Variants in CNTNAP2 observed in about 807,000 individuals in gnomAD.
CNTNAP2 encodes contactin associated protein 2.
CNTNAP2 carries 98 observed loss-of-function variants against 155.2 expected under a neutral mutation model. That is an observed-to-expected ratio of 0.63 (90% CI 0.54 to 0.75). The LOEUF (loss-of-function observed/expected upper bound fraction) is 0.75. Among genes scored for constraint, CNTNAP2 ranks in the 30% least tolerant of loss-of-function variants. CNTNAP2 has a pLI of 0.00. For missense variants in CNTNAP2, 1,727 were observed against 1,688.1 expected, an observed-to-expected ratio of 1.02 and a Z score of -0.40; for synonymous variants, 651 against 631.2, an observed-to-expected ratio of 1.03 and a Z score of -0.47.
intron 8 of CNTNAP2, among the ~76,000 whole-genome samples, chr7:147,156,681 G>A (rs891347887): frequency 2.0e-5 from 3 of 152,138 alleles, no homozygotes; most frequent in Non-Finnish European, 4.4e-5. Context: ...ATATGTCAAG[G>A]ACTGTCAAGG....
chr7:148,189,847 C>A (rs934019254), intron 18 of CNTNAP2: 3 of 152,196 alleles, frequency 2.0e-5, no homozygotes, highest in African/African-American at 7.2e-5. Flanking sequence ...CTAAAAATTT[C>A]TATATGAAGA....
chr7:146,305,885 A>G (rs536275144), intron 1 of CNTNAP2, among the ~76,000 whole-genome samples: 2 of 152,314 alleles, frequency 1.3e-5, no homozygotes, highest in East Asian at 3.9e-4. Context: ...AAGGCAAGAA[A>G]TAACTAAGAT....
chr7:146,376,277 C>T (rs751846606), intron 1 of CNTNAP2, among the ~76,000 whole-genome samples: 16 of 152,126 alleles, frequency 1.1e-4, no homozygotes, highest in Non-Finnish European at 2.1e-4. Context: ...AATTGCACTT[C>T]TTGTGCTCCG....
intron 8 of CNTNAP2, among the ~76,000 whole-genome samples, chr7:147,277,169 A>G (rs1563143461): frequency 6.6e-6 from 1 of 152,000 alleles, no homozygotes; most frequent in Non-Finnish European, 1.5e-5. Context: ...TGGTTTGAGG[A>G]TTCACTAACT....
chr7:146,203,475 T>G (rs1168327782), intron 1 of CNTNAP2, among the ~76,000 whole-genome samples: 1 of 152,142 alleles, frequency 6.6e-6, no homozygotes, highest in African/African-American at 2.4e-5. Context: ...GGGAAGGGGA[T>G]GAGTGTGGCA....
At chr7:146,937,644 C>T (rs10249418) in intron 3 of CNTNAP2, among the ~76,000 whole-genome samples, 6,705 of 152,096 alleles carry the variant, frequency 0.044, 169 homozygotes, top group South Asian at 0.076. Flanking sequence ...TGACACCTGC[C>T]CTGGAAACTT....
intron 21 of CNTNAP2, among the ~76,000 whole-genome samples, chr7:148,303,593 C>T (rs1797433992): frequency 6.6e-6 from 1 of 152,210 alleles, no homozygotes; most frequent in African/African-American, 2.4e-5. Context: ...ATGGCTCCTT[C>T]TTTTTCGCAT....
chr7:147,906,125 T>C (rs1799953546), intron 14 of CNTNAP2, among the ~76,000 whole-genome samples: 1 of 152,068 alleles, frequency 6.6e-6, no homozygotes, highest in African/African-American at 2.4e-5. Context: ...TTTGAAAACA[T>C]TAAGGCCCTA....
At chr7:148,247,756 C>A (rs924539072) in intron 20 of CNTNAP2, among the ~76,000 whole-genome samples, 2 of 151,008 alleles carry the variant, frequency 1.3e-5, no homozygotes, top group South Asian at 2.1e-4. Context: ...CAGGTTCAAG[C>A]GATTCTCCTG....
At chr7:147,976,519 T>G (rs1357187076) in intron 14 of CNTNAP2, among the ~76,000 whole-genome samples, 2 of 152,216 alleles carry the variant, frequency 1.3e-5, no homozygotes, top group African/African-American at 2.4e-5. Context: ...TAATTCTGAT[T>G]TGATAAATAA....
intron 12 of CNTNAP2, among the ~76,000 whole-genome samples, chr7:147,566,939 A>T (rs1195675744): frequency 6.6e-6 from 1 of 152,234 alleles, no homozygotes; most frequent in Non-Finnish European, 1.5e-5. Flanking sequence ...GTGGAGGTTA[A>T]AATGACTGCT....
At chr7:146,589,080 CTT>C (rs1486406589) in intron 1 of CNTNAP2, among the ~76,000 whole-genome samples, 1 of 152,146 alleles carries the variant, frequency 6.6e-6, no homozygotes, top group African/African-American at 2.4e-5. Context: ...TTTCTTGTTA[CTT>C]ATTTCACATA....
intron 15 of CNTNAP2, among the ~76,000 whole-genome samples, chr7:148,062,022 AGAGAGAGTGTGTGT>A (rs1563185684): frequency 4.4e-4 from 61 of 137,728 alleles, no homozygotes; most frequent in African/African-American, 1.6e-3. Flanking sequence ...AGAGAGAGAG[AGAGAGAGTGTGTGT>A]GTGTGTGTGT....
intron 1 of CNTNAP2, among the ~76,000 whole-genome samples, chr7:146,709,086 CAT>C (rs1801017364): frequency 6.6e-6 from 1 of 152,054 alleles, no homozygotes; most frequent in East Asian, 1.9e-4. Context: ...ATCTGGGTAA[CAT>C]AATTGTGATT....
intron 9 of CNTNAP2, among the ~76,000 whole-genome samples, chr7:147,309,767 T>C (rs755821613): frequency 2.0e-5 from 3 of 152,142 alleles, no homozygotes; most frequent in Non-Finnish European, 2.9e-5. Context: ...GGGGTACATG[T>C]ATAGGGTTTT....
chr7:147,579,748 G>C (rs1351280252), intron 12 of CNTNAP2, among the ~76,000 whole-genome samples: 1 of 152,022 alleles, frequency 6.6e-6, no homozygotes, highest in Non-Finnish European at 1.5e-5. Context: ...TAGTTCACTT[G>C]ACATTGCTTC....
At chr7:146,349,468 T>C (rs1282417773) in intron 1 of CNTNAP2, among the ~76,000 whole-genome samples, 1 of 152,208 alleles carries the variant, frequency 6.6e-6, no homozygotes, top group Non-Finnish European at 1.5e-5. Flanking sequence ...AAAATTTTCA[T>C]TTAAAGTTAA....
At position 147,328,075 on chromosome 7, in the gene CNTNAP2, G is replaced by A. The variant is rs541709404; in HGVS notation, c.1498+27785G>A. On this transcript the variant is annotated intron_variant, in intron 9 of 23. Coordinates refer to ENST00000361727, the MANE Select transcript of CNTNAP2 (RefSeq NM_014141.6). ...AAAAAAATAAAAATAGAGGTAAGTT[G>A]GGACAAAAATAACGAGCAAGTGTCA... Among the ~76,000 whole-genome samples the A allele has an allele frequency of 1.6e-3, 243 of 152,184 alleles. 1 individual carries two copies. Among genetic ancestry groups the A allele is most frequent in the Non-Finnish European group, 2.9e-3 (199 of 68,002 alleles).
intron 3 of CNTNAP2, among the ~76,000 whole-genome samples, chr7:146,856,280 A>AGATC (rs1446247592): frequency 3.7e-5 from 5 of 133,834 alleles, no homozygotes; most frequent in African/African-American, 1.6e-4. Context: ...ATAGATAGAT[A>AGATC]GATAGATAGA....
Sources: gnomAD v4.1 joint callset for allele counts (sites outside exome capture counted in the v4.1 genomes callset) on GRCh38, gnomAD v4.1.1 for gene constraint, MANE v1.5 for transcripts, NCBI Gene and HGNC (gene_info 2026-07-23, HGNC 2026-07-21) for gene names.